Variants in ACSM2A observed in about 807,000 individuals in gnomAD.
ACSM2A encodes the protein acyl-coenzyme A synthetase ACSM2A, mitochondrial.
ACSM2A carries 72 observed loss-of-function variants against 76.6 expected under a neutral mutation model. The observed-to-expected ratio is 0.94, with a 90% CI of 0.78 to 1.14. ACSM2A has a LOEUF of 1.14. ACSM2A is among the 50% of genes most tolerant of loss of function. The probability of loss-of-function intolerance (pLI) is 0.00; values close to 1 mark genes in which losing one functional copy is unlikely to be tolerated. For missense variants in ACSM2A, 684 were observed against 708.5 expected (o/e 0.97, Z 0.39); for synonymous variants, 249 against 255.9 (o/e 0.97, Z 0.26).
intron 2 of ACSM2A, among the ~76,000 whole-genome samples, chr16:20,463,960 G>C (rs2012797649): frequency 6.6e-6 from 1 of 152,016 alleles, no homozygotes. Flanking sequence ...TCTTCTCTCA[G>C]ATTCCCTAAG....
rs373792435 is a variant in ACSM2A at position 20,461,879 on chromosome 16, G to T, written c.177+1588G>T. Among the ~76,000 whole-genome samples the T allele has an allele frequency of 4.6e-5, 7 of 152,222 alleles. No individual in the cohort carries two copies. The South Asian group carries it at 1.5e-3, about 32-fold the overall frequency. ...AAATATTTCTCAAATCTGCCCCCTT[G>T]AAAGCTCAGAGACTAGGGTTTTCAA... On this transcript the variant is annotated intron_variant, in intron 2 of 13. Transcript: ENST00000573854.
intron 12 of ACSM2A, chr16:20,482,502 G>A (rs1291148012): frequency 6.5e-6 from 1 of 152,712 alleles, no homozygotes; most frequent in East Asian, 1.9e-4. Context: ...ATTCCCGCAG[G>A]GTGTAAGCCT....
chr16:20,475,822 A>C, intron 8 of ACSM2A, 49 bp downstream of exon 8: 1 of 1,601,386 alleles, frequency 6.2e-7, no homozygotes, highest in Middle Eastern at 1.7e-4. Context: ...TTTGGGCTTC[A>C]AAATTCTCTT....
chr16:20,474,428 C>G (rs981050282), intron 6 of ACSM2A, among the ~76,000 whole-genome samples: 2 of 152,038 alleles, frequency 1.3e-5, no homozygotes, highest in African/African-American at 2.4e-5. Flanking sequence ...AATGTGATGC[C>G]CCGACCCTCC....
intron 10 of ACSM2A, among the ~76,000 whole-genome samples, chr16:20,480,339 C>T (rs1215934543): frequency 6.6e-6 from 1 of 152,206 alleles, no homozygotes; most frequent in African/African-American, 2.4e-5. Context: ...ATCTATCAGA[C>T]TGGACCTAGA....
chr16:20,456,866 C>A (rs2012193284), intron 1 of ACSM2A, among the ~76,000 whole-genome samples: 3 of 147,840 alleles, frequency 2.0e-5, no homozygotes, highest in East Asian at 2.1e-4. Context: ...AAATCTGGTT[C>A]TTTGAAAAGA....
chr16:20,471,743 C>A, intron 6 of ACSM2A, 54 bp downstream of exon 6: 1 of 1,571,194 alleles, frequency 6.4e-7, no homozygotes, highest in Non-Finnish European at 8.6e-7. Context: ...GAGGTTTGCA[C>A]ACTTCAATTT....
chr16:20,463,088 G>A (rs1318958060), intron 2 of ACSM2A, among the ~76,000 whole-genome samples: 4 of 105,810 alleles, frequency 3.8e-5, no homozygotes, highest in Non-Finnish European at 5.4e-5. Context: ...TTATGGGGTG[G>A]GGGGAGGGGG....
intron 2 of ACSM2A, among the ~76,000 whole-genome samples, chr16:20,463,079 T>A (rs1442385364): frequency 8.3e-5 from 8 of 96,566 alleles, no homozygotes; most frequent in African/African-American, 3.3e-4. Context: ...CTGGGCCTGT[T>A]ATGGGGTGGG....
Position 20,476,708 on chromosome 16 carries a change from A to G in ACSM2A, c.1099-661A>G, listed in dbSNP as rs947436331. Reference sequence around the variant, plus strand: ...CCAGCACAGTGGGTGGCGGGAAAAGATGGGTCATTGTGATATCTTTTGTCC... The same window carrying G: ...CCAGCACAGTGGGTGGCGGGAAAAGGTGGGTCATTGTGATATCTTTTGTCC... On this transcript the variant is annotated intron_variant, in intron 8 of 13. Transcript: ENST00000573854. The G allele has an allele frequency of 1.1e-5, 11 of 1,001,592 alleles. No individual in the cohort carries two copies. In the Admixed American group the frequency reaches 5.3e-4, roughly 48 times the overall value. The allele number at this position is 1,001,592 out of a possible 1,614,324, so 62.0% of individuals were successfully genotyped here.
intron 2 of ACSM2A, among the ~76,000 whole-genome samples, chr16:20,462,725 G>A (rs1017493103): frequency 1.3e-5 from 2 of 152,012 alleles, no homozygotes; most frequent in African/African-American, 4.8e-5. Context: ...GCATCATGAT[G>A]GGTATGTAAA....
intron 1 of ACSM2A, among the ~76,000 whole-genome samples, chr16:20,456,585 A>C (rs1237104867): frequency 6.6e-6 from 1 of 151,740 alleles, no homozygotes; most frequent in African/African-American, 2.4e-5. Flanking sequence ...ATGGAAATTT[A>C]AAAATTTCTC....
chr16:20,476,972 C>A (rs1386757524), intron 8 of ACSM2A: 3 of 172,886 alleles, frequency 1.7e-5, no homozygotes, highest in South Asian at 1.9e-4. Context: ...AATAGATACA[C>A]CTATGTACCC....
intron 2 of ACSM2A, among the ~76,000 whole-genome samples, chr16:20,463,493 T>G (rs1325910734): frequency 5.3e-5 from 8 of 151,870 alleles, no homozygotes; most frequent in Non-Finnish European, 1.2e-4. Flanking sequence ...ATGAGAGATC[T>G]TGTTGTTTTA....
At chr16:20,472,120 G>C (rs550047168) in intron 6 of ACSM2A, among the ~76,000 whole-genome samples, 1 of 152,058 alleles carries the variant, frequency 6.6e-6, no homozygotes, top group South Asian at 2.1e-4. Context: ...ACAAACTGAA[G>C]GTAAAGTACA....
intron 6 of ACSM2A, among the ~76,000 whole-genome samples, chr16:20,473,213 G>T (rs1410181218): frequency 6.6e-6 from 1 of 152,116 alleles, no homozygotes; most frequent in African/African-American, 2.4e-5. Flanking sequence ...AAAAAGTCAG[G>T]TGTGATCTGG....
At chr16:20,468,337 T>A (rs2013141560) in intron 3 of ACSM2A, among the ~76,000 whole-genome samples, 1 of 152,230 alleles carries the variant, frequency 6.6e-6, no homozygotes, top group Non-Finnish European at 1.5e-5. Flanking sequence ...TCACAAAAAA[T>A]GAAACCTGTG....
At chr16:20,458,780 G>T (rs866793867) in intron 1 of ACSM2A, among the ~76,000 whole-genome samples, 5 of 140,948 alleles carry the variant, frequency 3.5e-5, no homozygotes, top group Non-Finnish European at 7.7e-5. Flanking sequence ...CAGGAGTGTG[G>T]CAATGTATAT....
intron 2 of ACSM2A, among the ~76,000 whole-genome samples, chr16:20,463,459 AT>A (rs1336505475): frequency 1.3e-5 from 2 of 151,744 alleles, no homozygotes; most frequent in Non-Finnish European, 2.9e-5. Flanking sequence ...ACTTAGCACC[AT>A]CCCCTTCGTT....
Sources: allele counts gnomAD v4.1 joint callset (sites outside exome capture counted in the v4.1 genomes callset), GRCh38; gene constraint gnomAD v4.1.1; transcripts MANE v1.5; gene names NCBI Gene and HGNC (gene_info 2026-07-23, HGNC 2026-07-21).